Variants in QKI observed in about 807,000 individuals in gnomAD.
QKI encodes KH domain-containing RNA-binding protein QKI.
In QKI, 10 loss-of-function variants were observed where a neutral mutation model predicts 39.0. The observed-to-expected ratio is 0.26, with a 90% CI of 0.16 to 0.43. The LOEUF is 0.43. Among genes scored for constraint, QKI ranks in the 20% least tolerant of loss-of-function variants. QKI has a pLI of 1.00. For synonymous variants in QKI, 204 were observed against 155.4 expected, an observed-to-expected ratio of 1.31 and a Z score of -2.33; for missense variants, 218 against 428.0, an observed-to-expected ratio of 0.51 and a Z score of 4.33.
chr6:163,532,084 CA>C (rs1172717581), intron 3 of QKI, among the ~76,000 whole-genome samples: 1 of 152,178 alleles, frequency 6.6e-6, no homozygotes, highest in East Asian at 1.9e-4. Flanking sequence ...AGCAAAATGG[CA>C]AATAATACTG....
intron 3 of QKI, among the ~76,000 whole-genome samples, chr6:163,496,319 A>G (rs1195820916): frequency 6.6e-6 from 1 of 152,176 alleles, no homozygotes; most frequent in African/African-American, 2.4e-5. Flanking sequence ...GTCCATGTGA[A>G]TTAACCCATC....
intron 3 of QKI, among the ~76,000 whole-genome samples, chr6:163,498,174 T>C (rs1488063031): frequency 1.6e-5 from 2 of 123,578 alleles, no homozygotes; most frequent in African/African-American, 3.2e-5. Context: ...AGTTTGCTCC[T>C]ACCGCAGCTG....
At position 163,449,172 on chromosome 6, in the gene QKI, A is replaced by C. The variant is rs943736389; in HGVS notation, c.143-6107A>C. On this transcript the variant is annotated intron_variant, in intron 1 of 7. Transcript: ENST00000361752. Reference sequence around the variant, plus strand: ...GAGGTAGGGATTGCAGACAGTGTGGAAATACTGGAGCCTATTTAAGCTTCA... The same window carrying C: ...GAGGTAGGGATTGCAGACAGTGTGGCAATACTGGAGCCTATTTAAGCTTCA... Among the ~76,000 whole-genome samples the C allele has an allele frequency of 5.9e-5, 9 of 152,194 alleles. 1 individual carries two copies. The highest frequency in any genetic ancestry group is 1.0e-4 in the Non-Finnish European group (7 of 68,020).
chr6:163,436,594 A>T (rs919600282), intron 1 of QKI, among the ~76,000 whole-genome samples: 13 of 152,030 alleles, frequency 8.6e-5, no homozygotes, highest in Non-Finnish European at 2.9e-5. Context: ...TGGGCTGATC[A>T]CTTGAGGCCA....
chr6:163,420,436 C>G (rs1395986388), intron 1 of QKI, among the ~76,000 whole-genome samples: 1 of 151,918 alleles, frequency 6.6e-6, no homozygotes, highest in African/African-American at 2.4e-5. Flanking sequence ...AAAAGGCAGC[C>G]CACTGAGCAA....
In QKI at chr6:163,514,824, C is replaced by T. The variant is rs532862855; in HGVS notation, c.403-20158C>T. Among the ~76,000 whole-genome samples, 3 of 152,196 alleles carry T rather than the reference C, an allele frequency of 2.0e-5. No homozygotes were observed. In the South Asian group the frequency reaches 6.2e-4, roughly 32 times the overall value. On this transcript the variant is annotated intron_variant, in intron 3 of 7. Coordinates refer to ENST00000361752, the MANE Select transcript of QKI (RefSeq NM_006775.3). Reference sequence around the variant, plus strand: ...CCACTAGAAGAAAACATAGGAGATACATTTATGACTTCATTGTAAAGCAGG... The same window carrying T: ...CCACTAGAAGAAAACATAGGAGATATATTTATGACTTCATTGTAAAGCAGG...
chr6:163,452,665 A>G (rs944662442), intron 1 of QKI, among the ~76,000 whole-genome samples: 2 of 152,192 alleles, frequency 1.3e-5, no homozygotes, highest in African/African-American at 4.8e-5. Flanking sequence ...TAAGTGGTAA[A>G]TGGCTTGTAT....
At chr6:163,566,445 A>G in intron 6 of QKI, 1 of 1,290,796 alleles carries the variant, frequency 7.7e-7, no homozygotes. Context: ...ATATGTTTGG[A>G]TCTAATAGAG....
chr6:163,557,224 T>C (rs891683281), intron 4 of QKI, among the ~76,000 whole-genome samples: 6 of 152,220 alleles, frequency 3.9e-5, no homozygotes, highest in Non-Finnish European at 8.8e-5. Context: ...ATATTATATA[T>C]GCCTTCATTA....
At chr6:163,569,570 G>C in intron 7 of QKI, 2 of 1,147,074 alleles carry the variant, frequency 1.7e-6, no homozygotes, top group Non-Finnish European at 2.2e-6. Context: ...TGTGACAAAG[G>C]TTGATTAAGG....
chr6:163,456,824 A>G (rs1480914068), intron 2 of QKI, among the ~76,000 whole-genome samples: 1 of 152,106 alleles, frequency 6.6e-6, no homozygotes, highest in Non-Finnish European at 1.5e-5. Context: ...GAATCAGGGC[A>G]TCTGAGAACT....
At chr6:163,443,363 G>T (rs1413828576) in intron 1 of QKI, among the ~76,000 whole-genome samples, 2 of 152,220 alleles carry the variant, frequency 1.3e-5, no homozygotes, top group African/African-American at 4.8e-5. Context: ...GAGGTCAGGA[G>T]TTCAAAACCA....
intron 2 of QKI, among the ~76,000 whole-genome samples, chr6:163,468,096 G>A (rs570477256): frequency 6.6e-6 from 1 of 152,214 alleles, no homozygotes; most frequent in Non-Finnish European, 1.5e-5. Context: ...TAGATTGGGT[G>A]TGGTCCGTTT....
At chr6:163,568,269 C>T in intron 7 of QKI, 1 of 985,094 alleles carries the variant, frequency 1.0e-6, no homozygotes, top group Non-Finnish European at 1.2e-6. Context: ...GCTAATCTTT[C>T]CCTATGTATG....
Position 163,506,037 on chromosome 6 carries a change from A to C in QKI, c.402+27141A>C, listed in dbSNP as rs560300638. Among the ~76,000 whole-genome samples, 19 of 152,150 alleles carry C rather than the reference A, an allele frequency of 1.2e-4. No homozygotes were observed. The South Asian group carries it at 3.9e-3, about 32-fold the overall frequency. On this transcript the variant is annotated intron_variant, in intron 3 of 7. Transcript: ENST00000361752. ...AGTTCTCATGAGATCTGGTGGTTTA[A>C]AAAGTGTTTGGCAGATGTGTTCCCA...
At chr6:163,542,521 T>G (rs914771118) in intron 4 of QKI, among the ~76,000 whole-genome samples, 1 of 152,034 alleles carries the variant, frequency 6.6e-6, no homozygotes, top group Non-Finnish European at 1.5e-5. Context: ...ATTGGGGAGA[T>G]AGAGTACTAA....
At position 163,486,809 on chromosome 6, in the gene QKI, A is replaced by AT. The variant is rs547135412; in HGVS notation, c.402+7920dup. On this transcript the variant is annotated intron_variant, in intron 3 of 7. Coordinates refer to ENST00000361752, the MANE Select transcript of QKI (RefSeq NM_006775.3). ...TTATATTTGCTGCTTTATAATCAAC[A>AT]TTTTTTTCCTGCAACTCTGTATCCT... Among the ~76,000 whole-genome samples, 119 of 152,184 alleles carry AT rather than the reference A, an allele frequency of 7.8e-4. 1 individual carries two copies. The highest frequency in any genetic ancestry group is 4.5e-3 in the Admixed American group (68 of 15,266).
intron 3 of QKI, among the ~76,000 whole-genome samples, chr6:163,506,256 T>A (rs1171802601): frequency 2.6e-5 from 4 of 152,212 alleles, no homozygotes; most frequent in Non-Finnish European, 5.9e-5. Flanking sequence ...AGATTTTCAT[T>A]ATTCTTGTGA....
At chr6:163,523,221 C>T (rs562313120) in intron 3 of QKI, among the ~76,000 whole-genome samples, 2 of 152,232 alleles carry the variant, frequency 1.3e-5, no homozygotes, top group African/African-American at 4.8e-5. Flanking sequence ...AAAATACTCT[C>T]TTTCAGTGTT....
Sources: gnomAD v4.1 joint callset for allele counts (sites outside exome capture counted in the v4.1 genomes callset) on GRCh38, gnomAD v4.1.1 for gene constraint, MANE v1.5 for transcripts, NCBI Gene and HGNC (gene_info 2026-07-23, HGNC 2026-07-21) for gene names.